SASH1: variants seen among roughly 807,000 people sequenced by gnomAD.
SASH1 encodes the protein SAM and SH3 domain-containing protein 1.
In SASH1, 44 loss-of-function variants were observed where a neutral mutation model predicts 125.2. The observed-to-expected ratio is 0.35, with a 90% CI of 0.28 to 0.45. SASH1 has a LOEUF of 0.45. Ranked by LOEUF, SASH1 falls within the 20% of genes least tolerant of loss-of-function variation. The pLI is 1.00. For missense variants in SASH1, 1,426 were observed against 1,614.5 expected (o/e 0.88, Z 2.00); for synonymous variants, 639 against 649.1 (o/e 0.98, Z 0.24).
intron 7 of SASH1, chr6:148,479,333 G>A (rs967447338): frequency 6.0e-6 from 1 of 166,018 alleles, no homozygotes; most frequent in East Asian, 1.7e-4. Flanking sequence ...ATAGGCCTGA[G>A]CCACTGCGTC....
intron 8 of SASH1, among the ~76,000 whole-genome samples, chr6:148,493,122 G>T (rs538143675): frequency 6.6e-6 from 1 of 152,258 alleles, no homozygotes; most frequent in East Asian, 1.9e-4. Context: ...GCAGTTTTTT[G>T]AAGCAGTTGA....
chr6:148,225,111 G>A, the SASH1 span, among the ~76,000 whole-genome samples: 12 of 152,156 alleles, frequency 7.9e-5, no homozygotes, highest in Non-Finnish European at 1.6e-4. Context: ...GGTTATGGGT[G>A]GAAAGAAGTC....
intron 4 of SASH1, among the ~76,000 whole-genome samples, chr6:148,446,082 A>G (rs1259043890): frequency 4.1e-5 from 5 of 123,258 alleles, no homozygotes; most frequent in South Asian, 2.8e-4. Flanking sequence ...TGAACAACAT[A>G]GGGTTCTTTT....
intron 1 of SASH1, among the ~76,000 whole-genome samples, chr6:148,328,186 C>T (rs1780892525): frequency 1.3e-5 from 2 of 152,114 alleles, no homozygotes; most frequent in South Asian, 4.2e-4. Context: ...GGACTACAGG[C>T]GTGCTGTGCC....
At chr6:148,381,643 T>G (rs201914176) in intron 1 of SASH1, among the ~76,000 whole-genome samples, 4,105 of 140,738 alleles carry the variant, frequency 0.029, 274 homozygotes, top group East Asian at 0.18. Flanking sequence ...TTTTTTTTTT[T>G]GAGACAGAGT....
intron 4 of SASH1, among the ~76,000 whole-genome samples, chr6:148,468,309 T>C (rs1777939439): frequency 6.6e-6 from 1 of 152,238 alleles, no homozygotes; most frequent in Non-Finnish European, 1.5e-5. Context: ...GTCTTCTTCA[T>C]TTAATATTAC....
the SASH1 span, among the ~76,000 whole-genome samples, chr6:148,216,342 A>G: frequency 6.6e-6 from 1 of 152,122 alleles, no homozygotes; most frequent in Non-Finnish European, 1.5e-5. Flanking sequence ...TTTCTTGCTT[A>G]CTTGGCCTTC....
At chr6:148,446,088 C>CTTTTTTTT (rs576798745) in intron 4 of SASH1, among the ~76,000 whole-genome samples, 2 of 71,002 alleles carry the variant, frequency 2.8e-5, no homozygotes, top group Non-Finnish European at 2.6e-5. Context: ...ACATAGGGTT[C>CTTTTTTTT]TTTTTTTTTT....
chr6:148,459,039 A>G (rs1017663211), intron 4 of SASH1, among the ~76,000 whole-genome samples: 13 of 151,186 alleles, frequency 8.6e-5, no homozygotes, highest in Admixed American at 2.6e-4. Flanking sequence ...AGCATATGTC[A>G]CGGGGATATT....
chr6:148,368,773 C>CACACACACACACACAA (rs1782589754), intron 1 of SASH1, among the ~76,000 whole-genome samples: 2 of 151,476 alleles, frequency 1.3e-5, no homozygotes, highest in South Asian at 4.2e-4. Context: ...CGCGCGCGCA[C>CACACACACACACACAA]ACACACACAC....
the SASH1 span, among the ~76,000 whole-genome samples, chr6:148,230,944 A>G: frequency 6.6e-6 from 1 of 152,120 alleles, no homozygotes; most frequent in South Asian, 2.1e-4. Context: ...TTCACATTCT[A>G]TTTTGTACTG....
chr6:148,520,116 G>A (rs1286287942), intron 10 of SASH1: 29 of 543,242 alleles, frequency 5.3e-5, no homozygotes, highest in East Asian at 2.5e-4. Flanking sequence ...CAAAGGGGGC[G>A]GGAGCTGCGG....
intron 8 of SASH1, among the ~76,000 whole-genome samples, chr6:148,511,368 CA>C (rs1273554558): frequency 4.2e-5 from 6 of 143,206 alleles, no homozygotes; most frequent in African/African-American, 7.9e-5. Flanking sequence ...CACACACACA[CA>C]CACACCTTGG....
chr6:148,449,369 T>C (rs7746800), intron 4 of SASH1, among the ~76,000 whole-genome samples: 45,837 of 149,292 alleles, frequency 0.31, 7,087 homozygotes, highest in Non-Finnish European at 0.33. Context: ...CGTACCTGGC[T>C]GAGACTGGCT....
the SASH1 span, among the ~76,000 whole-genome samples, chr6:148,245,453 T>A: frequency 1.3e-5 from 2 of 152,180 alleles, no homozygotes; most frequent in African/African-American, 2.4e-5. Flanking sequence ...AAGGTCAATC[T>A]AACACAAGTG....
At position 148,288,530 on chromosome 6, in the gene SASH1, C is replaced by A. The variant is rs978007567; in HGVS notation, n.74+16153C>A. 5.9e-5 allele frequency among the ~76,000 whole-genome samples: 9 copies of A among 152,324 alleles called. No homozygotes were observed. In the East Asian group the frequency reaches 1.3e-3, roughly 23 times the overall value. On this transcript the variant is annotated intron_variant and non_coding_transcript_variant, in intron 1 of 3. Transcript: ENST00000367469. ...CCAGGAAGCCATCTCTCAACAGAAA[C>A]AATCCTGCTACTACTTTACTTCTTA...
the SASH1 span, among the ~76,000 whole-genome samples, chr6:148,254,081 C>T: frequency 3.3e-5 from 5 of 151,824 alleles, no homozygotes; most frequent in Non-Finnish European, 7.4e-5. Flanking sequence ...GTGGCGTGCA[C>T]CTGTAATCCC....
chr6:148,407,880 G>A (rs775110610), intron 2 of SASH1, among the ~76,000 whole-genome samples: 3 of 152,044 alleles, frequency 2.0e-5, no homozygotes, highest in South Asian at 2.1e-4. Flanking sequence ...TGATCCACCC[G>A]CCTCGGCCTC....
At chr6:148,464,377 C>T (rs898854007) in intron 4 of SASH1, among the ~76,000 whole-genome samples, 2 of 152,158 alleles carry the variant, frequency 1.3e-5, no homozygotes, top group African/African-American at 4.8e-5. Flanking sequence ...ATTATTGCTT[C>T]CTGGTCATCA....
Sources: allele counts gnomAD v4.1 joint callset (sites outside exome capture counted in the v4.1 genomes callset), GRCh38; gene constraint gnomAD v4.1.1; transcripts MANE v1.5; gene names NCBI Gene and HGNC (gene_info 2026-07-23, HGNC 2026-07-21).